The following PCDHGA2 variants were observed in gnomAD, a reference collection of about 807,000 sequenced individuals.
The protein encoded by PCDHGA2 is protocadherin gamma-A2.
Under a neutral mutation model 59.2 loss-of-function variants are expected in PCDHGA2, and 40 were observed. The ratio of observed to expected loss-of-function variants is 0.68; its 90% CI spans 0.52 to 0.88. The LOEUF is 0.88. Ranked by LOEUF, PCDHGA2 falls within the 40% of genes least tolerant of loss-of-function variation. The pLI is 0.00. For missense variants in PCDHGA2, 1,226 were observed against 1,204.0 expected (o/e 1.02, Z -0.27); for synonymous variants, 560 against 526.0 (o/e 1.06, Z -0.89).
intron 1 of PCDHGA2, 129 bp from the exon 2 acceptor site, chr5:141,494,678 G>T: frequency 1.3e-6 from 2 of 1,554,384 alleles, no homozygotes; most frequent in East Asian, 4.7e-5. Flanking sequence ...GTCCACCCCT[G>T]CCCCCTCTTA....
intron 1 of PCDHGA2, chr5:141,399,531 G>A (rs771221717): frequency 1.2e-6 from 2 of 1,614,052 alleles, no homozygotes; most frequent in Non-Finnish European, 1.7e-6. Flanking sequence ...CCTCCATCGC[G>A]CAAGTCTGCG....
At chr5:141,430,837 CG>C in intron 1 of PCDHGA2, 1 of 1,560,074 alleles carries the variant, frequency 6.4e-7, no homozygotes, top group African/African-American at 1.4e-5. Flanking sequence ...TGTGGGAGAC[CG>C]GATGCACCCA....
At chr5:141,451,238 T>A (rs1167769789) in intron 1 of PCDHGA2, among the ~76,000 whole-genome samples, 6 of 152,214 alleles carry the variant, frequency 3.9e-5, no homozygotes, top group African/African-American at 1.4e-4. Context: ...TATTATCTCA[T>A]AAATTTTGTG....
rs1472806327 is a variant in PCDHGA2 at position 141,447,891 on chromosome 5, G to C, written c.2425-46916G>C. Among the ~76,000 whole-genome samples the C allele has an allele frequency of 1.3e-5, 2 of 152,080 alleles. 1 individual carries two copies. Among genetic ancestry groups the C allele is most frequent in the African/African-American group, 4.8e-5 (2 of 41,408 alleles). On this transcript the variant is annotated intron_variant, in intron 1 of 3. Coordinates refer to ENST00000394576, the MANE Select transcript of PCDHGA2 (RefSeq NM_018915.4). Reference sequence around the variant, plus strand: ...ATCTGAGGTCAGGAGTTCGAGACCAGCCTGGCCAACATGGTGAAACTCTGT... The same window carrying C: ...ATCTGAGGTCAGGAGTTCGAGACCACCCTGGCCAACATGGTGAAACTCTGT...
chr5:141,476,772 G>A lies in PCDHGA2; in HGVS notation c.2425-18035G>A. 1 of 1,613,650 alleles carries A rather than the reference G, an allele frequency of 6.2e-7. No homozygotes were observed. Among genetic ancestry groups the A allele is most frequent in the South Asian group, 1.1e-5 (1 of 91,086 alleles). ...CAGTTAGTGCTGACGGCGTTGGACG[G>A]AGGGACCCCAGCTCTCTCCGCCAGC... is the stretch of plus-strand genomic sequence containing the variant. On this transcript the variant is annotated intron_variant, in intron 1 of 3. Coordinates refer to ENST00000394576, the MANE Select transcript of PCDHGA2 (RefSeq NM_018915.4). The surrounding 1 kb of genome is among the most constrained non-coding windows in gnomAD (Gnocchi z 7.6).
intron 1 of PCDHGA2, chr5:141,352,652 CCTT>C: frequency 6.2e-7 from 1 of 1,601,014 alleles, no homozygotes; most frequent in Non-Finnish European, 8.5e-7. Context: ...CGCTTATGAC[CCTT>C]CTTTGTCTTC....
chr5:141,339,659 G>A lies in PCDHGA2; in HGVS notation c.688G>A (p.Val230Met). ...PVLSGTSRIC[V>M]KVLDANDNAP... is the part of the protein sequence containing the mutation. Reference sequence around the variant, plus strand: ...GCTATCTGGCACCTCCCGCATCTGCGTGAAGGTCCTGGATGCGAACGACAA... The same window carrying A: ...GCTATCTGGCACCTCCCGCATCTGCATGAAGGTCCTGGATGCGAACGACAA... Residue 230 changes from valine to methionine, a missense_variant, in exon 1 of 4, where the codon GTG becomes ATG. Physicochemically the swap from Val to Met is conservative, Grantham distance 21. Coordinates refer to ENST00000394576, the MANE Select transcript of PCDHGA2 (RefSeq NM_018915.4). 1 of 1,614,170 alleles carries A rather than the reference G, an allele frequency of 6.2e-7. No individual in the cohort carries two copies. Among genetic ancestry groups the A allele is most frequent in the Non-Finnish European group, 8.5e-7 (1 of 1,180,024 alleles).
chr5:141,362,656 G>C, intron 1 of PCDHGA2: 1 of 1,396,522 alleles, frequency 7.2e-7, no homozygotes, highest in South Asian at 1.5e-5. Flanking sequence ...AGTTAGATTT[G>C]GCCAATGTTG....
At chr5:141,399,592 G>A (rs1385029299) in intron 1 of PCDHGA2, 4 of 1,613,880 alleles carry the variant, frequency 2.5e-6, no homozygotes, top group Non-Finnish European at 3.4e-6. Flanking sequence ...CTCTATCATG[G>A]CCAGCGACCT....
chr5:141,366,634 G>T, intron 1 of PCDHGA2: 1 of 1,614,220 alleles, frequency 6.2e-7, no homozygotes, highest in African/African-American at 1.3e-5. Context: ...AGAGTCACCT[G>T]ATCTTTCCCC....
At chr5:141,418,057 G>A (rs2096216088) in intron 1 of PCDHGA2, 2 of 1,614,050 alleles carry the variant, frequency 1.2e-6, no homozygotes, top group East Asian at 4.5e-5. Context: ...CTCGCGAGCT[G>A]CGAGTGAGCG....
At chr5:141,404,472 T>C in intron 1 of PCDHGA2, 1 of 1,613,692 alleles carries the variant, frequency 6.2e-7, no homozygotes, top group Non-Finnish European at 8.5e-7. Context: ...TATGTCTCTA[T>C]TAACTCAGAC....
chr5:141,345,905 C>A (rs552587482), intron 1 of PCDHGA2: 4 of 1,612,540 alleles, frequency 2.5e-6, no homozygotes, highest in East Asian at 2.2e-5. Flanking sequence ...TGCACACGGG[C>A]GAGGTGCGCA....
intron 1 of PCDHGA2, chr5:141,357,433 G>A (rs747311538): frequency 1.9e-6 from 3 of 1,614,090 alleles, no homozygotes; most frequent in Non-Finnish European, 2.5e-6. Flanking sequence ...GGGCGTGGAC[G>A]GGGTTCGGGC....
At position 141,491,290 on chromosome 5, in the gene PCDHGA2, C is replaced by T. The variant is rs747758229; in HGVS notation, c.2425-3517C>T. Reference sequence around the variant, plus strand: ...CAAATCCAGTGACTTCCTCATACACCCTCCTGAGCGTTCAGACCTTACCCT... The same window carrying T: ...CAAATCCAGTGACTTCCTCATACACTCTCCTGAGCGTTCAGACCTTACCCT... On this transcript the variant is annotated intron_variant, in intron 1 of 3. Coordinates refer to ENST00000394576, the MANE Select transcript of PCDHGA2 (RefSeq NM_018915.4). The surrounding 1 kb of genome is among the most constrained non-coding windows in gnomAD (Gnocchi z 6.9). 6.2e-7 allele frequency: 1 copy of T among 1,613,974 alleles called. No homozygotes were observed. Among genetic ancestry groups the T allele is most frequent in the Non-Finnish European group, 8.5e-7 (1 of 1,179,952 alleles).
chr5:141,399,665 A>T, intron 1 of PCDHGA2: 14 of 1,613,648 alleles, frequency 8.7e-6, no homozygotes, highest in Non-Finnish European at 1.2e-5. Flanking sequence ...GTGTTCGCGC[A>T]GCGCGCCTTT....
intron 1 of PCDHGA2, chr5:141,427,703 C>T (rs529490424): frequency 1.0e-6 from 1 of 957,508 alleles, no homozygotes. Flanking sequence ...CACAAGTCAG[C>T]GCCTCTGACC....
Position 141,360,906 on chromosome 5 carries a change from G to C in PCDHGA2, c.2424+19511G>C, listed in dbSNP as rs781720353. On this transcript the variant is annotated intron_variant, in intron 1 of 3. Transcript: ENST00000394576. ...TCACCCTGAGGGAGGACGTGCCGCC[G>C]GGCTTCTTTGTGCTTCAAGTGACAG... 3.1e-6 allele frequency: 5 copies of C among 1,613,894 alleles called. No homozygotes were observed. In the African/African-American group the frequency reaches 6.7e-5, roughly 22 times the overall value.
At chr5:141,433,398 T>TCTAC (rs1487149690) in intron 1 of PCDHGA2, among the ~76,000 whole-genome samples, 2 of 151,396 alleles carry the variant, frequency 1.3e-5, no homozygotes, top group Non-Finnish European at 2.9e-5. Context: ...TATCTATCTA[T>TCTAC]CTATCTATTA....
Sources: gnomAD v4.1 joint callset for allele counts (sites outside exome capture counted in the v4.1 genomes callset) on GRCh38, gnomAD v4.1.1 for gene constraint, Gnocchi (gnomAD v3.1) non-coding constraint, MANE v1.5 for transcripts, NCBI Gene and HGNC (gene_info 2026-07-23, HGNC 2026-07-21) for gene names.